Variants in NLGN1 observed in about 807,000 individuals in gnomAD.
NLGN1 encodes neuroligin-1.
A neutral mutation model predicts 65.5 loss-of-function variants in NLGN1; 12 were observed. That is an observed-to-expected ratio of 0.18 (90% CI 0.12 to 0.30). The LOEUF (loss-of-function observed/expected upper bound fraction) is 0.30. Ranked by LOEUF, NLGN1 falls within the 10% of genes least tolerant of loss-of-function variation. The pLI, the probability that NLGN1 is intolerant of heterozygous loss-of-function variation, is 1.00. For synonymous variants in NLGN1, 350 were observed against 359.5 expected, an observed-to-expected ratio of 0.97 and a Z score of 0.30; for missense variants, 750 against 1,007.1, an observed-to-expected ratio of 0.74 and a Z score of 3.46.
intron 3 of NLGN1, among the ~76,000 whole-genome samples, chr3:173,696,899 A>C (rs1329187684): frequency 6.6e-6 from 1 of 152,202 alleles, no homozygotes; most frequent in Non-Finnish European, 1.5e-5. Context: ...ACCTAAACAG[A>C]GTAGTATGTT....
At chr3:173,684,875 G>T (rs537900689) in intron 3 of NLGN1, among the ~76,000 whole-genome samples, 1 of 152,280 alleles carries the variant, frequency 6.6e-6, no homozygotes, top group South Asian at 2.1e-4. Flanking sequence ...TAACAGTGGA[G>T]TGTTATTACA....
intron 3 of NLGN1, among the ~76,000 whole-genome samples, chr3:173,755,714 A>T (rs1777000689): frequency 6.6e-6 from 1 of 152,118 alleles, no homozygotes; most frequent in Non-Finnish European, 1.5e-5. Context: ...GACCCAAATC[A>T]AGAATGCAAA....
At chr3:173,749,089 A>C (rs970524903) in intron 3 of NLGN1, among the ~76,000 whole-genome samples, 2 of 152,108 alleles carry the variant, frequency 1.3e-5, no homozygotes, top group Non-Finnish European at 2.9e-5. Flanking sequence ...CGGTGAATAC[A>C]GTGAAAATAT....
At chr3:173,496,151 A>T (rs934323978) in intron 2 of NLGN1, among the ~76,000 whole-genome samples, 9 of 151,532 alleles carry the variant, frequency 5.9e-5, no homozygotes, top group Non-Finnish European at 1.2e-4. Flanking sequence ...CATCTCCTTC[A>T]TTACCCAACT....
chr3:173,535,584 C>A (rs531642773), intron 2 of NLGN1, among the ~76,000 whole-genome samples: 1 of 152,156 alleles, frequency 6.6e-6, no homozygotes, highest in African/African-American at 2.4e-5. Flanking sequence ...AGAATTGTAT[C>A]TAGGCTGCTC....
chr3:174,265,763 C>CTATATATATATATATATG (rs1747989658), intron 4 of NLGN1, among the ~76,000 whole-genome samples: 1 of 125,668 alleles, frequency 8.0e-6, no homozygotes, highest in Non-Finnish European at 1.6e-5. Flanking sequence ...ACTAAGAAGG[C>CTATATATATATATATATG]TATATATATA....
intron 4 of NLGN1, among the ~76,000 whole-genome samples, chr3:174,020,349 C>T (rs291916): frequency 0.95 from 144,846 of 152,122 alleles, 69,050 homozygotes; most frequent in East Asian, 1. Context: ...AAAGACAAGT[C>T]TTTTTTTCCT....
intron 4 of NLGN1, among the ~76,000 whole-genome samples, chr3:174,235,487 A>G (rs556526564): frequency 3.3e-5 from 5 of 152,278 alleles, no homozygotes; most frequent in African/African-American, 1.2e-4. Context: ...TAGCTTAGTG[A>G]TTTAGCAAAC....
At chr3:174,070,488 C>T (rs1230668561) in intron 4 of NLGN1, among the ~76,000 whole-genome samples, 11 of 151,816 alleles carry the variant, frequency 7.2e-5, no homozygotes, top group South Asian at 2.1e-4. Context: ...CCAGCCACCG[C>T]GCCTGACTAA....
In NLGN1 at chr3:173,426,003, AT is replaced by A. The variant is rs1208990591; in HGVS notation, c.-389-9005del. ...TTTTTTGTGTGTCATTTTTAATTTC[AT>A]TCTTCAGTATTTTATAGTTTTTATG... On this transcript the variant is annotated intron_variant, in intron 1 of 6. Transcript: ENST00000457714. Among the ~76,000 whole-genome samples, 4 of 152,054 alleles carry A rather than the reference AT, an allele frequency of 2.6e-5. No homozygotes were observed. The East Asian group carries it at 7.7e-4, about 29-fold the overall frequency.
intron 4 of NLGN1, among the ~76,000 whole-genome samples, chr3:174,262,428 C>G (rs1219059346): frequency 2.2e-5 from 3 of 135,152 alleles, no homozygotes; most frequent in Non-Finnish European, 4.7e-5. Flanking sequence ...GTGTATGTGT[C>G]AAGGAATGTA....
At chr3:173,774,311 G>A (rs1202984656) in intron 3 of NLGN1, among the ~76,000 whole-genome samples, 1 of 152,160 alleles carries the variant, frequency 6.6e-6, no homozygotes, top group East Asian at 1.9e-4. Flanking sequence ...AAATGTAAGT[G>A]GGGGAAGAGA....
intron 4 of NLGN1, among the ~76,000 whole-genome samples, chr3:174,000,421 A>G (rs1723054022): frequency 6.6e-6 from 1 of 152,134 alleles, no homozygotes; most frequent in Non-Finnish European, 1.5e-5. Flanking sequence ...TGTCAGGAAT[A>G]GTTTTCGCAA....
chr3:174,051,079 T>A (rs1236757876), intron 4 of NLGN1, among the ~76,000 whole-genome samples: 1 of 152,242 alleles, frequency 6.6e-6, no homozygotes, highest in Non-Finnish European at 1.5e-5. Flanking sequence ...GTACCAACTC[T>A]GCTTTAATTT....
At chr3:174,232,533 G>A (rs1018313805) in intron 4 of NLGN1, among the ~76,000 whole-genome samples, 2 of 152,184 alleles carry the variant, frequency 1.3e-5, no homozygotes, top group African/African-American at 4.8e-5. Context: ...AATTTAACAT[G>A]TATACATGGG....
At chr3:173,600,766 G>A (rs763771901) in intron 2 of NLGN1, among the ~76,000 whole-genome samples, 22 of 151,426 alleles carry the variant, frequency 1.5e-4, no homozygotes, top group Non-Finnish European at 2.7e-4. Flanking sequence ...TAAGCTACTT[G>A]GGAGTAATGA....
intron 2 of NLGN1, among the ~76,000 whole-genome samples, chr3:173,461,156 A>G (rs887484829): frequency 2.6e-5 from 4 of 152,182 alleles, no homozygotes; most frequent in Non-Finnish European, 4.4e-5. Flanking sequence ...TGATGTAAGG[A>G]AATCAATCAA....
At chr3:173,964,201 C>T (rs1714280525) in intron 4 of NLGN1, among the ~76,000 whole-genome samples, 1 of 152,062 alleles carries the variant, frequency 6.6e-6, no homozygotes, top group South Asian at 2.1e-4. Flanking sequence ...GAAGGAAGTC[C>T]ATTGCATAAA....
intron 3 of NLGN1, among the ~76,000 whole-genome samples, chr3:173,650,314 T>A (rs750840910): frequency 6.6e-6 from 1 of 152,184 alleles, no homozygotes; most frequent in African/African-American, 2.4e-5. Flanking sequence ...ATGAATAAAC[T>A]CTTGCATAGA....
Sources: allele counts gnomAD v4.1 joint callset (sites outside exome capture counted in the v4.1 genomes callset), GRCh38; gene constraint gnomAD v4.1.1; transcripts MANE v1.5; gene names NCBI Gene and HGNC (gene_info 2026-07-23, HGNC 2026-07-21).